IQGAP2: variants seen among roughly 807,000 people sequenced by gnomAD.
The protein encoded by IQGAP2 is IQ motif containing GTPase activating protein 2.
In IQGAP2, 173 loss-of-function variants were observed where a neutral mutation model predicts 201.3. The observed-to-expected ratio is 0.86, with a 90% CI of 0.76 to 0.98. The LOEUF is 0.98. IQGAP2 is among the 50% of genes least tolerant of loss of function. IQGAP2 has a pLI of 0.00. For missense variants in IQGAP2, 1,687 were observed against 1,864.8 expected, an observed-to-expected ratio of 0.90 and a Z score of 1.76; for synonymous variants, 675 against 673.9, an observed-to-expected ratio of 1.00 and a Z score of -0.03.
At chr5:76,696,297 C>T (rs992558102) in intron 32 of IQGAP2, among the ~76,000 whole-genome samples, 9 of 152,198 alleles carry the variant, frequency 5.9e-5, no homozygotes, top group Admixed American at 2.0e-4. Flanking sequence ...GAACCTGCCA[C>T]TGAGATGGAA....
chr5:76,501,575 C>T (rs896309362), intron 2 of IQGAP2, among the ~76,000 whole-genome samples: 1 of 151,514 alleles, frequency 6.6e-6, no homozygotes, highest in African/African-American at 2.4e-5. Context: ...CACCCCATAC[C>T]ACTATGAAGT....
chr5:76,465,785 A>G (rs1754739969), intron 2 of IQGAP2, among the ~76,000 whole-genome samples: 6 of 152,234 alleles, frequency 3.9e-5, no homozygotes, highest in Admixed American at 3.9e-4. Context: ...AATTCACTAT[A>G]TGATAGCATT....
chr5:76,618,691 G>A (rs760265647), intron 13 of IQGAP2: 8 of 1,389,930 alleles, frequency 5.8e-6, no homozygotes, highest in Non-Finnish European at 7.9e-6. Context: ...CAAGAGAAAA[G>A]AAAGTGTGTT....
intron 2 of IQGAP2, among the ~76,000 whole-genome samples, chr5:76,543,879 C>T (rs999925513): frequency 3.3e-5 from 5 of 152,042 alleles, no homozygotes; most frequent in Admixed American, 6.6e-5. Flanking sequence ...TAGGGTGTGC[C>T]GCAGAAAGAA....
At chr5:76,423,353 T>C (rs1373177761) in intron 1 of IQGAP2, among the ~76,000 whole-genome samples, 1 of 152,186 alleles carries the variant, frequency 6.6e-6, no homozygotes, top group African/African-American at 2.4e-5. Context: ...CCGGGCTTGG[T>C]GGCTCATGCC....
chr5:76,409,662 A>G (rs948311993), intron 1 of IQGAP2, among the ~76,000 whole-genome samples: 5 of 152,198 alleles, frequency 3.3e-5, no homozygotes, highest in African/African-American at 9.7e-5. Flanking sequence ...CCATAATAAT[A>G]TAGTGATGTG....
chr5:76,588,866 A>T, intron 5 of IQGAP2, 40 bp from the exon 6 acceptor site: 1 of 1,223,364 alleles, frequency 8.2e-7, no homozygotes, highest in Admixed American at 1.8e-5. Context: ...AAGACTTATG[A>T]TGATAAAATT....
At chr5:76,665,807 G>C (rs923600202) in intron 22 of IQGAP2, among the ~76,000 whole-genome samples, 9 of 152,136 alleles carry the variant, frequency 5.9e-5, no homozygotes, top group Non-Finnish European at 1.2e-4. Flanking sequence ...TTATTGTTTT[G>C]TTTGACCATT....
chr5:76,645,341 T>TTATA (rs1484280314), intron 17 of IQGAP2, among the ~76,000 whole-genome samples: 1 of 152,248 alleles, frequency 6.6e-6, no homozygotes, highest in East Asian at 1.9e-4. Flanking sequence ...GTAGAATGAT[T>TTATA]TATATCCTTT....
chr5:76,568,689 G>A (rs938291536), intron 3 of IQGAP2, among the ~76,000 whole-genome samples: 1 of 152,186 alleles, frequency 6.6e-6, no homozygotes, highest in South Asian at 2.1e-4. Context: ...TTGGGCTTGT[G>A]CTGGGTGGTT....
In IQGAP2 at chr5:76,665,071, GA is replaced by G; in HGVS notation, c.2578del (p.Met860TrpfsTer4). ...AAAGCTGAACAAGAAAAAAGGAGGAGAAATGGAAATACTGAATAACACCGAC... is the reference window on the plus strand; with the variant it reads ...AAAGCTGAACAAGAAAAAAGGAGGAGAATGGAAATACTGAATAACACCGAC... ...SKKLNKKKGGEMEILNNTDNQ... is the reference protein window; with the variant it reads ...SKKLNKKKGGXMEILNNTDNQ... On this transcript the variant is annotated frameshift_variant, in exon 22 of 36. Coordinates refer to ENST00000274364, the MANE Select transcript of IQGAP2 (RefSeq NM_006633.5). LOFTEE classifies it high-confidence loss of function. 1 of 1,598,720 alleles carries G rather than the reference GA, an allele frequency of 6.3e-7. No individual in the cohort carries two copies. The highest frequency in any genetic ancestry group is 2.2e-5 in the East Asian group (1 of 44,720).
Position 76,597,456 on chromosome 5 carries a change from C to T in IQGAP2, c.925C>T (p.His309Tyr), listed in dbSNP as rs1240797283. The change falls in exon 10 of 36, where the codon CAT becomes TAT. Residue 309 changes from histidine to tyrosine, a missense_variant. By Grantham distance (83) the His-to-Tyr change is moderately conservative. Coordinates refer to ENST00000274364, the MANE Select transcript of IQGAP2 (RefSeq NM_006633.5). ...NKVNRQAAVD[H>Y]INAVIPEGDP... ...ATCCTCAGGGCAGGCTGCAGTGGAC[C>T]ATATCAATGCTGTCATTCCGGAAGG... 4 of 1,613,814 alleles carry T rather than the reference C, an allele frequency of 2.5e-6. No homozygotes were observed. The highest frequency in any genetic ancestry group is 4.5e-5 in the East Asian group (2 of 44,888).
chr5:76,702,393 A>G, intron 34 of IQGAP2, 89 bp from the exon 35 acceptor site: 2 of 674,680 alleles, frequency 3.0e-6, no homozygotes, highest in Non-Finnish European at 2.6e-6. Flanking sequence ...TTATTTAAAA[A>G]TGATTATTTG....
chr5:76,663,633 A>T (rs752403857), intron 21 of IQGAP2, among the ~76,000 whole-genome samples: 11 of 152,218 alleles, frequency 7.2e-5, no homozygotes, highest in Non-Finnish European at 1.5e-4. Context: ...TGGAAAATGT[A>T]TTTCTTACTG....
At chr5:76,418,594 G>GAA (rs1191675917) in intron 1 of IQGAP2, among the ~76,000 whole-genome samples, 6 of 26,322 alleles carry the variant, frequency 2.3e-4, no homozygotes, top group South Asian at 1.5e-3. Flanking sequence ...ACTCCATCTC[G>GAA]AAAAAAAAAA....
chr5:76,510,777 C>T (rs926880049), intron 2 of IQGAP2: 2 of 458,874 alleles, frequency 4.4e-6, no homozygotes, highest in Admixed American at 4.6e-5. Context: ...TAACCACCTC[C>T]TTGGCACCTG....
At position 76,623,336 on chromosome 5, in the gene IQGAP2, T is replaced by C. The variant is rs2069648; in HGVS notation, c.1522-4074T>C. On this transcript the variant is annotated intron_variant, in intron 13 of 35. Coordinates refer to ENST00000274364, the MANE Select transcript of IQGAP2 (RefSeq NM_006633.5). ...TCAGCAGCAAATGGAAGCCTTGGTC[T>C]GTCTGTAGAAGTTTGCTCTCCTGTG... The C allele has an allele frequency of 2.1e-3, 2,875 of 1,387,398 alleles. 52 individuals are homozygous for C. The African/African-American group carries it at 0.037, about 18-fold the overall frequency. The allele number at this position is 1,387,398 out of a possible 1,614,324, so 85.9% of individuals were successfully genotyped here.
At chr5:76,470,847 G>A (rs1355494563) in intron 2 of IQGAP2, among the ~76,000 whole-genome samples, 1 of 152,032 alleles carries the variant, frequency 6.6e-6, no homozygotes, top group Non-Finnish European at 1.5e-5. Flanking sequence ...TAGCTTCTTT[G>A]CTGTGGGGCT....
intron 5 of IQGAP2, among the ~76,000 whole-genome samples, chr5:76,580,940 A>G (rs1580510133): frequency 6.6e-6 from 1 of 152,170 alleles, no homozygotes; most frequent in Non-Finnish European, 1.5e-5. Context: ...AGTTCATTTG[A>G]CCATTGAGAT....
Sources: gnomAD v4.1 joint callset for allele counts (sites outside exome capture counted in the v4.1 genomes callset) on GRCh38, gnomAD v4.1.1 for gene constraint, MANE v1.5 for transcripts, NCBI Gene and HGNC (gene_info 2026-07-23, HGNC 2026-07-21) for gene names.